The following SCAP variants were observed in gnomAD, a reference collection of about 807,000 sequenced individuals.
SCAP encodes the protein SREBF chaperone.
SCAP carries 65 observed loss-of-function variants against 123.6 expected under a neutral mutation model. The ratio of observed to expected loss-of-function variants is 0.53; its 90% confidence interval spans 0.43 to 0.65. The LOEUF (loss-of-function observed/expected upper bound fraction) is 0.65. SCAP is among the 30% of genes least tolerant of loss of function. SCAP has a pLI of 0.00. For synonymous variants in SCAP, 740 were observed against 726.3 expected (o/e 1.02, Z -0.30); for missense variants, 1,398 against 1,712.5 (o/e 0.82, Z 3.24).
At chr3:47,476,669 A>C (rs779318516), upstream of SCAP, among the ~76,000 whole-genome samples, 2 of 152,148 alleles carry the variant, frequency 1.3e-5, no homozygotes, top group South Asian at 4.1e-4. Context: ...GGTATTGTAC[A>C]TGTCCTCGCA....
At chr3:47,425,031 C>T (rs571581075) in intron 8 of SCAP, among the ~76,000 whole-genome samples, 12 of 152,230 alleles carry the variant, frequency 7.9e-5, no homozygotes, top group African/African-American at 2.9e-4. Context: ...TGACCTATTT[C>T]ATTAGGCATT....
At chr3:47,438,230 TGTTA>T (rs1023313967) in intron 2 of SCAP, among the ~76,000 whole-genome samples, 1 of 152,256 alleles carries the variant, frequency 6.6e-6, no homozygotes, top group African/African-American at 2.4e-5. Context: ...ACATTTATTA[TGTTA>T]ATTACAGAAA....
chr3:47,462,789 A>G (rs1156835321), intron 1 of SCAP, among the ~76,000 whole-genome samples: 1 of 151,120 alleles, frequency 6.6e-6, no homozygotes, highest in East Asian at 1.9e-4. Context: ...GAAAGAAAGG[A>G]AAACACCTAC....
intron 1 of SCAP, among the ~76,000 whole-genome samples, chr3:47,472,460 A>AT (rs1553652297): frequency 5.5e-5 from 8 of 145,702 alleles, no homozygotes; most frequent in African/African-American, 7.5e-5. Flanking sequence ...AAATAAAATA[A>AT]AATAATAATA....
chr3:47,472,579 G>A lies in SCAP; in HGVS notation c.-99+3220C>T, dbSNP rs868199744. ...TTACATACCAACTTTGGACCCCACT[G>A]CAAAGCTTCCTTATGATTTAGCATC... On this transcript the variant is annotated intron_variant, in intron 1 of 22. Coordinates refer to ENST00000265565, the MANE Select transcript of SCAP (RefSeq NM_012235.4). Among the ~76,000 whole-genome samples, 68 of 152,200 alleles carry A rather than the reference G, an allele frequency of 4.5e-4. No individual in the cohort carries two copies. The South Asian group carries it at 9.5e-3, about 21-fold the overall frequency.
At position 47,419,819 on chromosome 3, in the gene SCAP, G is replaced by GAC. The variant is rs1347614978; in HGVS notation, c.1564-117_1564-116dup. Reference sequence around the variant, plus strand: ...ACCTCAGGCCTGGGGATGGAGAGAGGACACAGGCCCCACTGCGTCCTTTTC... The same window carrying GAC: ...ACCTCAGGCCTGGGGATGGAGAGAGGACACACAGGCCCCACTGCGTCCTTTTC... On this transcript the variant is annotated intron_variant, in intron 12 of 22. Coordinates refer to ENST00000265565, the MANE Select transcript of SCAP (RefSeq NM_012235.4). This position sits in a 1 kb window ranked among gnomAD's most constrained non-coding sequence, Gnocchi z 5.0. 2.6e-5 allele frequency: 32 copies of GAC among 1,240,536 alleles called. No homozygotes were observed. The highest frequency in any genetic ancestry group is 3.5e-5 in the Non-Finnish European group (32 of 919,408). 76.8% of individuals were successfully genotyped at this position (1,240,536 alleles called of 1,614,324 possible).
chr3:47,414,804 C>A lies in SCAP; in HGVS notation c.3306+23G>T, dbSNP rs780622489. On this transcript the variant is annotated intron_variant, in intron 20 of 22. Transcript: ENST00000265565. ...ACCCCGTGCCGGGCCACTCCAGCACCCAAGAGACAAGACAATACTCACTCT... is the reference window on the plus strand; with the variant it reads ...ACCCCGTGCCGGGCCACTCCAGCACACAAGAGACAAGACAATACTCACTCT... 2.5e-6 allele frequency: 4 copies of A among 1,598,932 alleles called. No homozygotes were observed. The East Asian group carries it at 8.9e-5, about 36-fold the overall frequency.
upstream of SCAP, among the ~76,000 whole-genome samples, chr3:47,476,381 A>G (rs1279704910): frequency 1.3e-5 from 2 of 152,150 alleles, no homozygotes; most frequent in Non-Finnish European, 2.9e-5. Flanking sequence ...GGATCACCTG[A>G]GCCCGGGAGG....
chr3:47,432,660 C>A (rs1475268772), intron 3 of SCAP, among the ~76,000 whole-genome samples: 1 of 152,082 alleles, frequency 6.6e-6, no homozygotes, highest in Non-Finnish European at 1.5e-5. Context: ...CTCCTATTTT[C>A]CCTTTTTTAA....
At position 47,419,711 on chromosome 3, in the gene SCAP, TGGGGCAGG is replaced by T; in HGVS notation, c.1564-15_1564-8del. ...TCCAGACAACGGTGCCAGCCTGCAG[TGGGGCAGG>T]GGGTACTCAGTGGGAGGAATGGGCC... On this transcript the variant is annotated splice_region_variant and splice_polypyrimidine_tract_variant and intron_variant, in intron 12 of 22. Coordinates refer to ENST00000265565, the MANE Select transcript of SCAP (RefSeq NM_012235.4). This position sits in a 1 kb window ranked among gnomAD's most constrained non-coding sequence, Gnocchi z 5.0. The T allele has an allele frequency of 6.6e-7, 1 of 1,518,708 alleles. No individual in the cohort carries two copies. Among genetic ancestry groups the T allele is most frequent in the Non-Finnish European group, 8.8e-7 (1 of 1,133,584 alleles). The allele number at this position is 1,518,708 out of a possible 1,614,324, so 94.1% of individuals were successfully genotyped here.
chr3:47,414,449 C>T, intron 21 of SCAP, 63 bp from the exon 22 acceptor site: 1 of 1,599,848 alleles, frequency 6.3e-7, no homozygotes, highest in Non-Finnish European at 8.6e-7. Context: ...ACAGTGGTGT[C>T]CCTGTGCCCC....
At chr3:47,457,524 G>C (rs1233423911) in intron 1 of SCAP, among the ~76,000 whole-genome samples, 1 of 152,188 alleles carries the variant, frequency 6.6e-6, no homozygotes, top group African/African-American at 2.4e-5. Context: ...TGCTCACTGA[G>C]CTAAACTAGT....
chr3:47,451,062 A>C lies in SCAP; in HGVS notation c.-98-7971T>G, dbSNP rs1316682285. The stretch of plus-strand genomic sequence containing the variant: ...GAGACAGGGTCTCAATATGTTGCCC[A>C]GGTTGGTCTTGAACTCCTGGTTTCA... On this transcript the variant is annotated intron_variant, in intron 1 of 22. Coordinates refer to ENST00000265565, the MANE Select transcript of SCAP (RefSeq NM_012235.4). Among the ~76,000 whole-genome samples, 2 of 121,752 alleles carry C rather than the reference A, an allele frequency of 1.6e-5. 1 individual carries two copies. The highest frequency in any genetic ancestry group is 1.8e-4 in the Admixed American group (2 of 10,896). 79.9% of individuals were successfully genotyped at this position (121,752 alleles called of 152,430 possible). A position where few individuals can be genotyped will look rare whatever the true frequency, so the allele number is the denominator to read the frequency against.
At chr3:47,461,360 T>C (rs1196380956) in intron 1 of SCAP, among the ~76,000 whole-genome samples, 18 of 152,258 alleles carry the variant, frequency 1.2e-4, no homozygotes, top group Non-Finnish European at 2.4e-4. Context: ...TTCTTTTTCA[T>C]ATCTATAATC....
At position 47,413,815 on chromosome 3, in the gene SCAP, A is replaced by G; in HGVS notation, c.*39T>C. ...AGGTTCAGTGCATTGGCCCCCACACAGCACCCCAGCCTCCTGCCTGGGCAA... is the reference window on the plus strand; with the variant it reads ...AGGTTCAGTGCATTGGCCCCCACACGGCACCCCAGCCTCCTGCCTGGGCAA... On this transcript the variant is annotated 3_prime_UTR_variant, in exon 23 of 23. Transcript: ENST00000265565. 2 of 1,595,242 alleles carry G rather than the reference A, an allele frequency of 1.3e-6. No individual in the cohort carries two copies. Among genetic ancestry groups the G allele is most frequent in the Non-Finnish European group, 1.7e-6 (2 of 1,170,446 alleles).
chr3:47,417,907 GT>G (rs1466692787), intron 16 of SCAP, 81 bp from the exon 17 acceptor site: 33 of 398,822 alleles, frequency 8.3e-5, no homozygotes, highest in Middle Eastern at 6.4e-4. Context: ...GAGAGGGGGC[GT>G]GGGAGTGAGA....
At chr3:47,433,285 T>G (rs2107856734) in intron 3 of SCAP, among the ~76,000 whole-genome samples, 1 of 152,330 alleles carries the variant, frequency 6.6e-6, no homozygotes, top group Non-Finnish European at 1.5e-5. Context: ...AACTGACCAC[T>G]GAGCTGTGTG....
At position 47,417,441 on chromosome 3, in the gene SCAP, C is replaced by A; in HGVS notation, c.2833G>T (p.Ala945Ser). The change falls in exon 17 of 23, where the codon GCC becomes TCC. Residue 945 changes from alanine (A) to serine (S), a missense_variant. Physicochemically the swap from Ala to Ser is moderately conservative, Grantham distance 99 (BLOSUM62 1). Coordinates refer to ENST00000265565, the MANE Select transcript of SCAP (RefSeq NM_012235.4). Reference protein sequence around the residue: ...PPSPGPVLSQAPEDEGGSPEK... With the variant: ...PPSPGPVLSQSPEDEGGSPEK... Reference sequence around the variant, plus strand: ...GGGGAGCCACCCTCGTCCTCAGGGGCCTGGGACAGCACCGGCCCAGGCGAG... The same window carrying A: ...GGGGAGCCACCCTCGTCCTCAGGGGACTGGGACAGCACCGGCCCAGGCGAG... 1 of 1,555,270 alleles carries A rather than the reference C, an allele frequency of 6.4e-7. No individual in the cohort carries two copies. Among genetic ancestry groups the A allele is most frequent in the Non-Finnish European group, 8.7e-7 (1 of 1,150,480 alleles).
intron 1 of SCAP, among the ~76,000 whole-genome samples, chr3:47,444,757 G>A (rs1268567509): frequency 2.7e-5 from 4 of 149,258 alleles, no homozygotes; most frequent in African/African-American, 9.9e-5. Context: ...TTACAGGCAC[G>A]AACCACCACA....
Sources: gnomAD v4.1 joint callset for allele counts (sites outside exome capture counted in the v4.1 genomes callset) on GRCh38, gnomAD v4.1.1 for gene constraint, Gnocchi (gnomAD v3.1) non-coding constraint, MANE v1.5 for transcripts, NCBI Gene and HGNC (gene_info 2026-07-23, HGNC 2026-07-21) for gene names.